The following SBF2 variants were observed in gnomAD, a reference collection of about 807,000 sequenced individuals.
The protein encoded by SBF2 is myotubularin-related protein 13.
In SBF2, 112 loss-of-function variants were observed where a neutral mutation model predicts 225.2. That is an observed-to-expected ratio of 0.50 (90% CI 0.43 to 0.58). The LOEUF (loss-of-function observed/expected upper bound fraction) is 0.58, where lower values mean the gene tolerates loss of function less well. SBF2 is among the 20% of genes least tolerant of loss of function. The probability of loss-of-function intolerance (pLI) is 0.00; values close to 1 mark genes in which losing one functional copy is unlikely to be tolerated. For missense variants in SBF2, 1,996 were observed against 2,206.2 expected (o/e 0.90, Z 1.91); for synonymous variants, 763 against 773.3 (o/e 0.99, Z 0.22).
At chr11:9,906,421 C>A (rs556604790) in intron 16 of SBF2, among the ~76,000 whole-genome samples, 79 of 152,260 alleles carry the variant, frequency 5.2e-4, no homozygotes, top group African/African-American at 1.9e-3. Context: ...CAATCCATGA[C>A]CAATTAGCAG....
intron 6 of SBF2, among the ~76,000 whole-genome samples, chr11:10,005,452 A>G (rs1397484691): frequency 6.6e-6 from 1 of 152,170 alleles, no homozygotes; most frequent in East Asian, 1.9e-4. Context: ...AAGCTCAAAC[A>G]GTGCACTTGA....
Position 10,092,253 on chromosome 11 carries a change from C to T in SBF2, c.142-49272G>A, listed in dbSNP as rs182185309. 7.6e-4 allele frequency among the ~76,000 whole-genome samples: 116 copies of T among 152,174 alleles called. 1 individual carries two copies. In the East Asian group the frequency reaches 0.018, roughly 24 times the overall value. ...CTAGAAAGATCCATCATTTGGCAAT[C>T]AAAATGATTACTAATATGCTAATTT... On this transcript the variant is annotated intron_variant, in intron 2 of 39. Coordinates refer to ENST00000256190, the MANE Select transcript of SBF2 (RefSeq NM_030962.4).
intron 16 of SBF2, among the ~76,000 whole-genome samples, chr11:9,911,370 C>T (rs1024782660): frequency 1.1e-4 from 16 of 141,822 alleles, no homozygotes; most frequent in East Asian, 8.0e-4. Flanking sequence ...GGTGACAGAG[C>T]GAGACTCTGT....
At chr11:10,259,126 C>T (rs1367223460) in intron 1 of SBF2, among the ~76,000 whole-genome samples, 1 of 152,066 alleles carries the variant, frequency 6.6e-6, no homozygotes, top group Admixed American at 6.6e-5. Context: ...TCCTTGCAAC[C>T]AACACTATTT....
chr11:9,847,542 AG>A (rs1856639081), intron 22 of SBF2, among the ~76,000 whole-genome samples: 1 of 151,702 alleles, frequency 6.6e-6, no homozygotes. Flanking sequence ...ATACTCCTCA[AG>A]TATTGAAAAG....
intron 1 of SBF2, among the ~76,000 whole-genome samples, chr11:10,202,657 G>A (rs1244609458): frequency 5.9e-5 from 9 of 152,124 alleles, no homozygotes; most frequent in African/African-American, 1.7e-4. Context: ...GCGTGGTGGC[G>A]GGTGCCTGCA....
chr11:10,188,138 A>C (rs1306978477), intron 2 of SBF2, among the ~76,000 whole-genome samples: 1 of 152,234 alleles, frequency 6.6e-6, no homozygotes, highest in Admixed American at 6.5e-5. Context: ...ATGAAGACTC[A>C]CTGAAAACAT....
At chr11:9,804,134 AAAAC>A (rs1428369378) in intron 32 of SBF2, among the ~76,000 whole-genome samples, 6 of 152,312 alleles carry the variant, frequency 3.9e-5, no homozygotes, top group South Asian at 2.1e-4. Flanking sequence ...TATTTTCTGA[AAAAC>A]AAACAAACAA....
chr11:10,128,918 A>G (rs768184593), intron 2 of SBF2, among the ~76,000 whole-genome samples: 1 of 152,124 alleles, frequency 6.6e-6, no homozygotes, highest in Non-Finnish European at 1.5e-5. Flanking sequence ...AGTTCTATTC[A>G]GCTATCAAAA....
chr11:10,089,877 T>C (rs567493003), intron 2 of SBF2, among the ~76,000 whole-genome samples: 2 of 152,028 alleles, frequency 1.3e-5, no homozygotes, highest in Non-Finnish European at 2.9e-5. Context: ...ACTCAGTGAG[T>C]ATACCAATAG....
At chr11:9,852,217 A>C (rs1341189679) in intron 21 of SBF2, among the ~76,000 whole-genome samples, 1 of 152,210 alleles carries the variant, frequency 6.6e-6, no homozygotes, top group Non-Finnish European at 1.5e-5. Context: ...GGGGTACTCC[A>C]ATTCAGGAGG....
chr11:10,238,625 T>C (rs1270881556), intron 1 of SBF2, among the ~76,000 whole-genome samples: 2 of 149,914 alleles, frequency 1.3e-5, no homozygotes, highest in African/African-American at 4.9e-5. Context: ...AAATCCAAAA[T>C]AACATGGCTG....
At chr11:10,171,485 T>C (rs1054198267) in intron 2 of SBF2, among the ~76,000 whole-genome samples, 1 of 152,198 alleles carries the variant, frequency 6.6e-6, no homozygotes, top group Non-Finnish European at 1.5e-5. Flanking sequence ...CTGGGATAAA[T>C]CCTACTTGGT....
chr11:10,261,123 C>T lies in SBF2; in HGVS notation c.55+32892G>A, dbSNP rs930090986. Among the ~76,000 whole-genome samples, 17 of 152,134 alleles carry T rather than the reference C, an allele frequency of 1.1e-4. 1 individual carries two copies. Among genetic ancestry groups the T allele is most frequent in the Non-Finnish European group, 2.1e-4 (14 of 68,030 alleles). On this transcript the variant is annotated intron_variant, in intron 1 of 39. Coordinates refer to ENST00000256190, the MANE Select transcript of SBF2 (RefSeq NM_030962.4). ...TCACAATGAGATACTAGTACATATA[C>T]CTCAAAATGGCTAAAATCAAAAAGA...
At chr11:10,289,155 C>G (rs1168631473) in intron 1 of SBF2, among the ~76,000 whole-genome samples, 2 of 152,224 alleles carry the variant, frequency 1.3e-5, no homozygotes, top group African/African-American at 2.4e-5. Flanking sequence ...GTGACAGCAC[C>G]CTGGCTTGGC....
At chr11:9,783,936 G>C (rs1388021985) in intron 38 of SBF2, among the ~76,000 whole-genome samples, 1 of 152,154 alleles carries the variant, frequency 6.6e-6, no homozygotes. Context: ...TCTGCTGCGA[G>C]GACGAAGGTA....
At chr11:9,824,942 T>C (rs904079731) in intron 28 of SBF2, among the ~76,000 whole-genome samples, 4 of 152,212 alleles carry the variant, frequency 2.6e-5, no homozygotes, top group Non-Finnish European at 5.9e-5. Flanking sequence ...AAAAAATCAC[T>C]GTACCATCTT....
intron 26 of SBF2, chr11:9,839,184 T>C (rs888119191): frequency 2.9e-5 from 11 of 377,354 alleles, no homozygotes; most frequent in Non-Finnish European, 4.6e-5. Flanking sequence ...ATGTCCTCTA[T>C]TGGGCTGGGA....
At chr11:9,964,106 C>T (rs921706135) in intron 14 of SBF2, among the ~76,000 whole-genome samples, 3 of 151,988 alleles carry the variant, frequency 2.0e-5, no homozygotes. Context: ...AAAAATTAGC[C>T]GGGCATGGTG....
Sources: gnomAD v4.1 joint callset for allele counts (sites outside exome capture counted in the v4.1 genomes callset) on GRCh38, gnomAD v4.1.1 for gene constraint, MANE v1.5 for transcripts, NCBI Gene and HGNC (gene_info 2026-07-23, HGNC 2026-07-21) for gene names.